Variants in RARB observed in about 807,000 individuals in gnomAD.
RARB encodes the protein retinoic acid receptor beta.
Under a neutral mutation model 51.9 loss-of-function variants are expected in RARB, and 17 were observed. That is an observed-to-expected ratio of 0.33 (90% confidence interval 0.22 to 0.49). The LOEUF (loss-of-function observed/expected upper bound fraction) is 0.49, where lower values mean the gene tolerates loss of function less well. Ranked by LOEUF, RARB falls within the 20% of genes least tolerant of loss-of-function variation. The pLI, the probability that RARB is intolerant of heterozygous loss-of-function variation, is 0.99. For synonymous variants in RARB, 215 were observed against 195.4 expected, an observed-to-expected ratio of 1.10 and a Z score of -0.84; for missense variants, 369 against 550.8, an observed-to-expected ratio of 0.67 and a Z score of 3.30.
At chr3:25,143,235 G>C (rs552619812) in intron 4 of RARB, among the ~76,000 whole-genome samples, 1 of 152,178 alleles carries the variant, frequency 6.6e-6, no homozygotes, top group African/African-American at 2.4e-5. Context: ...CTGGTAACAC[G>C]TTGAGGCAAA....
chr3:24,964,168 G>C (rs1311632747), intron 2 of RARB, among the ~76,000 whole-genome samples: 2 of 151,240 alleles, frequency 1.3e-5, no homozygotes, highest in African/African-American at 4.9e-5. Context: ...GGTATAACCA[G>C]ATCTTTTTTG....
At chr3:24,993,082 A>G (rs1381047279) in intron 2 of RARB, among the ~76,000 whole-genome samples, 1 of 152,122 alleles carries the variant, frequency 6.6e-6, no homozygotes, top group Non-Finnish European at 1.5e-5. Flanking sequence ...ACGTTAGCCA[A>G]CTCCATGGAT....
At chr3:25,333,849 C>T (rs1704978450) in intron 5 of RARB, among the ~76,000 whole-genome samples, 1 of 152,162 alleles carries the variant, frequency 6.6e-6, no homozygotes, top group Non-Finnish European at 1.5e-5. Context: ...GAAACAACCC[C>T]ATCACAAAGT....
intron 1 of RARB, among the ~76,000 whole-genome samples, chr3:25,450,278 T>A (rs565893599): frequency 2.7e-4 from 41 of 152,352 alleles, no homozygotes; most frequent in African/African-American, 9.4e-4. Flanking sequence ...TTTCCCCAGA[T>A]AATAAATAAT....
chr3:25,078,661 A>G (rs963508511), intron 3 of RARB, among the ~76,000 whole-genome samples: 2 of 151,718 alleles, frequency 1.3e-5, no homozygotes, highest in Admixed American at 1.3e-4. Context: ...CTCACCCAGT[A>G]GCTGGGATTA....
At chr3:25,212,447 T>G (rs1434897715) in intron 5 of RARB, among the ~76,000 whole-genome samples, 1 of 152,074 alleles carries the variant, frequency 6.6e-6, no homozygotes, top group Non-Finnish European at 1.5e-5. Context: ...GTGAAACTCC[T>G]TCTCTACTAA....
intron 5 of RARB, among the ~76,000 whole-genome samples, chr3:25,349,105 A>G (rs1475985554): frequency 2.0e-5 from 3 of 152,036 alleles, no homozygotes; most frequent in Admixed American, 1.3e-4. Context: ...TCCACTCCAC[A>G]CTATCCGTTA....
At chr3:25,328,893 G>C (rs552606325) in intron 5 of RARB, among the ~76,000 whole-genome samples, 1 of 152,198 alleles carries the variant, frequency 6.6e-6, no homozygotes, top group Non-Finnish European at 1.5e-5. Context: ...GCCTGGCTCG[G>C]AGGGTCCCAC....
rs566499753 is a variant in RARB at position 25,218,043 on chromosome 3, C to T, written c.178+43468C>T. 2.0e-5 allele frequency among the ~76,000 whole-genome samples: 3 copies of T among 152,276 alleles called. No homozygotes were observed. In the South Asian group the frequency reaches 6.2e-4, roughly 32 times the overall value. ...ACAGGAAGTTTTCATTATTGCCATTCAATAAAGTTTATTTTCATTCCCTTT... is the reference window on the plus strand; with the variant it reads ...ACAGGAAGTTTTCATTATTGCCATTTAATAAAGTTTATTTTCATTCCCTTT... On this transcript the variant is annotated intron_variant, in intron 5 of 11. Coordinates refer to the RARB transcript ENST00000383772.
intron 3 of RARB, among the ~76,000 whole-genome samples, chr3:25,566,901 T>G (rs990484124): frequency 9.2e-5 from 14 of 152,134 alleles, no homozygotes; most frequent in Non-Finnish European, 1.9e-4. Context: ...GTTCCTTGAG[T>G]GTAGAAATGG....
intron 5 of RARB, among the ~76,000 whole-genome samples, chr3:25,337,021 G>A (rs1430957951): frequency 1.3e-5 from 2 of 152,144 alleles, no homozygotes; most frequent in Admixed American, 1.3e-4. Context: ...TGAACAAGTC[G>A]CTGCCCTCAC....
chr3:25,208,292 C>T (rs1026015215), intron 5 of RARB, among the ~76,000 whole-genome samples: 1 of 152,148 alleles, frequency 6.6e-6, no homozygotes, highest in Non-Finnish European at 1.5e-5. Context: ...CAGTTTCAAT[C>T]AGGGGAACAA....
At chr3:25,033,324 A>T (rs186693575) in intron 2 of RARB, among the ~76,000 whole-genome samples, 11 of 152,336 alleles carry the variant, frequency 7.2e-5, no homozygotes, top group Non-Finnish European at 1.5e-5. Flanking sequence ...TGTATTAGTC[A>T]AGGTCTCAGA....
chr3:25,122,176 T>C (rs1315518275), intron 3 of RARB, among the ~76,000 whole-genome samples: 1 of 152,158 alleles, frequency 6.6e-6, no homozygotes, highest in East Asian at 1.9e-4. Flanking sequence ...GAAGCTGTTT[T>C]TCAGCAATTG....
At chr3:25,282,057 A>AG (rs1703536293) in intron 5 of RARB, among the ~76,000 whole-genome samples, 3 of 152,242 alleles carry the variant, frequency 2.0e-5, no homozygotes, top group African/African-American at 7.2e-5. Context: ...GCGAGTATAA[A>AG]ATTATGCAAA....
intron 3 of RARB, among the ~76,000 whole-genome samples, chr3:25,063,345 GAGAGA>G (rs1172592923): frequency 6.6e-6 from 1 of 152,032 alleles, no homozygotes; most frequent in African/African-American, 2.4e-5. Context: ...CTTTGTAACT[GAGAGA>G]TATCAGATTT....
At chr3:25,187,096 G>A (rs1700996760) in intron 5 of RARB, among the ~76,000 whole-genome samples, 1 of 151,984 alleles carries the variant, frequency 6.6e-6, no homozygotes, top group South Asian at 2.1e-4. Flanking sequence ...ATAGGGATGT[G>A]CCTTTCCTCC....
intron 2 of RARB, among the ~76,000 whole-genome samples, chr3:24,963,755 T>A (rs143233072): frequency 6.6e-6 from 1 of 152,006 alleles, no homozygotes; most frequent in Admixed American, 6.6e-5. Flanking sequence ...GGAATGCACC[T>A]GTGAGAAAAT....
chr3:25,048,617 G>T (rs1472286711), intron 2 of RARB, among the ~76,000 whole-genome samples: 1 of 152,032 alleles, frequency 6.6e-6, no homozygotes, highest in East Asian at 1.9e-4. Context: ...GAAAATTAGT[G>T]GTTTCTCTGG....
Sources: gnomAD v4.1 joint callset for allele counts (sites outside exome capture counted in the v4.1 genomes callset) on GRCh38, gnomAD v4.1.1 for gene constraint, MANE v1.5 for transcripts, NCBI Gene and HGNC (gene_info 2026-07-23, HGNC 2026-07-21) for gene names.